KIRREL3: variants seen among roughly 807,000 people sequenced by gnomAD.
The protein encoded by KIRREL3 is kirre like nephrin family adhesion molecule 3.
A neutral mutation model predicts 89.7 loss-of-function variants in KIRREL3; 36 were observed. That is an observed-to-expected ratio of 0.40 (90% CI 0.31 to 0.53). KIRREL3 has a LOEUF of 0.53. Among genes scored for constraint, KIRREL3 ranks in the 20% least tolerant of loss-of-function variants. The pLI is 0.49. For missense variants in KIRREL3, 864 were observed against 1,056.6 expected (o/e 0.82, Z 2.53); for synonymous variants, 445 against 441.4 (o/e 1.01, Z -0.10).
intron 1 of KIRREL3, among the ~76,000 whole-genome samples, chr11:126,589,392 G>T (rs970660252): frequency 6.6e-6 from 1 of 152,220 alleles, no homozygotes; most frequent in Non-Finnish European, 1.5e-5. Flanking sequence ...TGCTGCTCCT[G>T]GTCCAGGCAG....
At chr11:126,815,782 A>G (rs1366564211) in intron 1 of KIRREL3, among the ~76,000 whole-genome samples, 4 of 152,002 alleles carry the variant, frequency 2.6e-5, no homozygotes, top group Non-Finnish European at 5.9e-5. Context: ...TGATCTGCCC[A>G]CCTCGGCCTC....
At chr11:126,592,756 C>T (rs987493118) in intron 1 of KIRREL3, among the ~76,000 whole-genome samples, 1 of 152,188 alleles carries the variant, frequency 6.6e-6, no homozygotes, top group Non-Finnish European at 1.5e-5. Context: ...TGGCACCAGT[C>T]GCAGGTAAGG....
At position 126,795,576 on chromosome 11, in the gene KIRREL3, C is replaced by A. The variant is rs1213325189; in HGVS notation, c.55+204879G>T. 1.3e-5 allele frequency among the ~76,000 whole-genome samples: 2 copies of A among 151,934 alleles called. No individual in the cohort carries two copies. Among genetic ancestry groups the A allele is most frequent in the Non-Finnish European group, 2.9e-5 (2 of 68,008 alleles). On this transcript the variant is annotated intron_variant, in intron 1 of 16. Coordinates refer to ENST00000525144, the MANE Select transcript of KIRREL3 (RefSeq NM_032531.4). The surrounding 1 kb of genome is among the most constrained non-coding windows in gnomAD (Gnocchi z 4.1). ...ATTTTTAGTAGAGACGGGGTTTCTA[C>A]TAAAACCCTGTTGGCCAGGCTGGTC...
In KIRREL3 at chr11:126,657,273, T is replaced by TC. The variant is rs879270049; in HGVS notation, c.56-94362_56-94361insG. On this transcript the variant is annotated intron_variant, in intron 1 of 16. Coordinates refer to ENST00000525144, the MANE Select transcript of KIRREL3 (RefSeq NM_032531.4). Reference sequence around the variant, plus strand: ...TTAAATAAATAAATAAATAAATAAATAAATAAATCTTCATGGAATCTCAAG... The same window carrying TC: ...TTAAATAAATAAATAAATAAATAAATCAAATAAATCTTCATGGAATCTCAAG... Among the ~76,000 whole-genome samples the TC allele has an allele frequency of 9.0e-3, 1,361 of 151,824 alleles. 16 individuals carry two copies. Among genetic ancestry groups the TC allele is most frequent in the Admixed American group, 0.012 (181 of 15,242 alleles).
chr11:126,877,902 G>T lies in KIRREL3; in HGVS notation c.55+122553C>A, dbSNP rs967208116. Among the ~76,000 whole-genome samples, 1 of 152,130 alleles carries T rather than the reference G, an allele frequency of 6.6e-6. No homozygotes were observed. The highest frequency in any genetic ancestry group is 2.4e-5 in the African/African-American group (1 of 41,420). On this transcript the variant is annotated intron_variant, in intron 1 of 16. Coordinates refer to ENST00000525144, the MANE Select transcript of KIRREL3 (RefSeq NM_032531.4). The surrounding 1 kb of genome is among the most constrained non-coding windows in gnomAD (Gnocchi z 4.9). ...TAATAGGTGCAAAAACAGTTGCAGCGTGTTAAGGCTGGAACTCCCCCCTAG... is the reference window on the plus strand; with the variant it reads ...TAATAGGTGCAAAAACAGTTGCAGCTTGTTAAGGCTGGAACTCCCCCCTAG...
Position 126,429,042 on chromosome 11 carries a change from C to T in KIRREL3, c.1806+137G>A, listed in dbSNP as rs1955036565. 1 of 623,280 alleles carries T rather than the reference C, an allele frequency of 1.6e-6. No individual in the cohort carries two copies. Among genetic ancestry groups the T allele is most frequent in the Admixed American group, 2.6e-5 (1 of 37,812 alleles). The allele number at this position is 623,280 out of a possible 1,614,324, so 38.6% of individuals were successfully genotyped here. On this transcript the variant is annotated intron_variant, in intron 15 of 16. Coordinates refer to ENST00000525144, the MANE Select transcript of KIRREL3 (RefSeq NM_032531.4). The surrounding 1 kb of genome is among the most constrained non-coding windows in gnomAD (Gnocchi z 5.2). ...TGTTGGCTGAGAGTGTGTGCCTCAC[C>T]TATTGTGGGGTGGGCAGGGGGCATC...
intron 1 of KIRREL3, among the ~76,000 whole-genome samples, chr11:126,637,153 C>A (rs1424059012): frequency 6.6e-6 from 1 of 152,184 alleles, no homozygotes; most frequent in Non-Finnish European, 1.5e-5. Context: ...TCTGGAAAAC[C>A]TAGACTAAAG....
At position 126,606,011 on chromosome 11, in the gene KIRREL3, G is replaced by A. The variant is rs1942875036; in HGVS notation, c.56-43099C>T. 6.6e-6 allele frequency among the ~76,000 whole-genome samples: 1 copy of A among 152,168 alleles called. No homozygotes were observed. Among genetic ancestry groups the A allele is most frequent in the African/African-American group, 2.4e-5 (1 of 41,434 alleles). ...GGTCCAGAGGGACGCAGGCCATCTT[G>A]GGAAGGAATCCCAGTTGACCACTCA... On this transcript the variant is annotated intron_variant, in intron 1 of 16. Transcript: ENST00000525144. The surrounding 1 kb of genome is among the most constrained non-coding windows in gnomAD (Gnocchi z 4.6).
chr11:126,671,540 C>T (rs950043562), intron 1 of KIRREL3, among the ~76,000 whole-genome samples: 83 of 151,596 alleles, frequency 5.5e-4, no homozygotes, highest in African/African-American at 1.9e-3. Context: ...TCAGATAAAA[C>T]ACTTGCATCT....
At chr11:126,834,644 T>C (rs943426495) in intron 1 of KIRREL3, among the ~76,000 whole-genome samples, 12 of 152,226 alleles carry the variant, frequency 7.9e-5, no homozygotes, top group Admixed American at 3.3e-4. Context: ...TCTTGCCCTA[T>C]CTGATTTGTA....
At position 126,594,612 on chromosome 11, in the gene KIRREL3, G is replaced by A. The variant is rs1591793170; in HGVS notation, c.56-31700C>T. Among the ~76,000 whole-genome samples the A allele has an allele frequency of 1.3e-5, 2 of 151,584 alleles. No homozygotes were observed. The highest frequency in any genetic ancestry group is 4.1e-4 in the South Asian group (2 of 4,824). On this transcript the variant is annotated intron_variant, in intron 1 of 16. Transcript: ENST00000525144. The surrounding 1 kb of genome is among the most constrained non-coding windows in gnomAD (Gnocchi z 5.0). ...TCATTTATCCTTGCTGGGCCTCAGA[G>A]GCCTCATGAGTGGTGCCTTTAAGAG...
intron 8 of KIRREL3, 151 bp downstream of exon 8, chr11:126,448,858 C>T (rs981766736): frequency 4.0e-6 from 3 of 754,172 alleles, no homozygotes; most frequent in South Asian, 3.4e-5. Context: ...AAACAATGCA[C>T]AAACCAGCTT....
intron 1 of KIRREL3, among the ~76,000 whole-genome samples, chr11:126,762,093 G>A (rs568717947): frequency 3.9e-5 from 6 of 152,166 alleles, no homozygotes; most frequent in Admixed American, 1.3e-4. Flanking sequence ...TGAGAATCAC[G>A]GAACCCTGGA....
At chr11:126,444,817 C>T (rs894617903) in intron 10 of KIRREL3, among the ~76,000 whole-genome samples, 162 bp downstream of exon 10, 3 of 152,206 alleles carry the variant, frequency 2.0e-5, no homozygotes, top group African/African-American at 4.8e-5. Flanking sequence ...CTGGGTCTGA[C>T]GGGGAATCCA....
chr11:126,583,281 A>T (rs770216049), intron 1 of KIRREL3, among the ~76,000 whole-genome samples: 4 of 152,346 alleles, frequency 2.6e-5, no homozygotes, highest in Non-Finnish European at 5.9e-5. Flanking sequence ...GCCTGCCAGC[A>T]GCTCTAGGGC....
chr11:126,486,399 C>T lies in KIRREL3; in HGVS notation c.434-12933G>A, dbSNP rs572875288. 3.9e-5 allele frequency among the ~76,000 whole-genome samples: 6 copies of T among 152,244 alleles called. No individual in the cohort carries two copies. The highest frequency in any genetic ancestry group is 2.0e-4 in the Admixed American group (3 of 15,288). On this transcript the variant is annotated intron_variant, in intron 4 of 16. Coordinates refer to ENST00000525144, the MANE Select transcript of KIRREL3 (RefSeq NM_032531.4). The surrounding 1 kb of genome is among the most constrained non-coding windows in gnomAD (Gnocchi z 6.2). ...CACTCACCCTCCCAGTCCTGCGGAG[C>T]GAGAGACTTTCTCCTTTCTCCAGCC...
intron 1 of KIRREL3, among the ~76,000 whole-genome samples, chr11:126,958,203 G>A (rs1483018079): frequency 6.6e-6 from 1 of 152,210 alleles, no homozygotes; most frequent in Non-Finnish European, 1.5e-5. Context: ...GGATGTCTGG[G>A]AGTGTGACTA....
rs1256382141 is a variant in KIRREL3 at position 126,553,128 on chromosome 11, C to T, written c.133+9707G>A. ...TTTAGACAACCAATATTTCAATAGC[C>T]TGTTGTATTTCTCTATCAAATTCTT... On this transcript the variant is annotated intron_variant, in intron 2 of 16. Transcript: ENST00000525144. This position sits in a 1 kb window ranked among gnomAD's most constrained non-coding sequence, Gnocchi z 4.7. Among the ~76,000 whole-genome samples the T allele has an allele frequency of 6.6e-6, 1 of 152,180 alleles. No individual in the cohort carries two copies. The highest frequency in any genetic ancestry group is 2.4e-5 in the African/African-American group (1 of 41,440).
rs1371712497 is a variant in KIRREL3 at position 126,768,514 on chromosome 11, A to G, written c.56-205602T>C. The stretch of plus-strand genomic sequence containing the variant: ...ACAATAAAAAGACTAGACATACACA[A>G]GACAGATTCCAACAGTCAGAAGTGC... On this transcript the variant is annotated intron_variant, in intron 1 of 16. Transcript: ENST00000525144. This position sits in a 1 kb window ranked among gnomAD's most constrained non-coding sequence, Gnocchi z 4.5. 6.6e-6 allele frequency among the ~76,000 whole-genome samples: 1 copy of G among 152,222 alleles called. No homozygotes were observed. Among genetic ancestry groups the G allele is most frequent in the Non-Finnish European group, 1.5e-5 (1 of 68,046 alleles).
Sources: allele counts gnomAD v4.1 joint callset (sites outside exome capture counted in the v4.1 genomes callset), GRCh38; gene constraint gnomAD v4.1.1; non-coding constraint Gnocchi (gnomAD v3.1); transcripts MANE v1.5; gene names NCBI Gene and HGNC (gene_info 2026-07-23, HGNC 2026-07-21).